Variants in TENM3 observed in about 807,000 individuals in gnomAD.
TENM3 encodes teneurin-3.
TENM3 carries 63 observed loss-of-function variants against 255.1 expected under a neutral mutation model. The ratio of observed to expected loss-of-function variants is 0.25; its 90% CI spans 0.20 to 0.30. The LOEUF is 0.30. Ranked by LOEUF, TENM3 falls within the 10% of genes least tolerant of loss-of-function variation. TENM3 has a pLI of 1.00. For missense variants in TENM3, 2,929 were observed against 3,461.1 expected, an observed-to-expected ratio of 0.85 and a Z score of 3.86; for synonymous variants, 1,306 against 1,322.3, an observed-to-expected ratio of 0.99 and a Z score of 0.27.
chr4:181,528,030 G>A, the TENM3 span, among the ~76,000 whole-genome samples: 2 of 151,772 alleles, frequency 1.3e-5, no homozygotes, highest in African/African-American at 2.4e-5. Context: ...GGTTAAAGGA[G>A]GATAAAATTC....
chr4:182,660,041 C>T (rs1327041219), intron 6 of TENM3, among the ~76,000 whole-genome samples: 2 of 152,080 alleles, frequency 1.3e-5, no homozygotes, highest in Non-Finnish European at 2.9e-5. Flanking sequence ...ATAGAATGGT[C>T]TTTGGTCTTG....
At chr4:181,772,490 G>T in the TENM3 span, among the ~76,000 whole-genome samples, 1 of 152,124 alleles carries the variant, frequency 6.6e-6, no homozygotes, top group Non-Finnish European at 1.5e-5. Context: ...AAATATGCAA[G>T]GATACTGACT....
At chr4:181,448,428 C>T in the TENM3 span, among the ~76,000 whole-genome samples, 1 of 151,930 alleles carries the variant, frequency 6.6e-6, no homozygotes, top group Non-Finnish European at 1.5e-5. Flanking sequence ...GCCTCGGCCT[C>T]CCAAAGTGCT....
intron 1 of TENM3, among the ~76,000 whole-genome samples, chr4:182,263,135 G>A (rs562525842): frequency 1.6e-4 from 25 of 152,200 alleles, no homozygotes; most frequent in African/African-American, 5.3e-4. Context: ...ACCGCGAAGG[G>A]ACTGTAGTGC....
chr4:182,230,302 G>A (rs76072807), intron 1 of TENM3, among the ~76,000 whole-genome samples: 100 of 152,074 alleles, frequency 6.6e-4, no homozygotes, highest in Non-Finnish European at 1.1e-3. Flanking sequence ...GGCTCGCAGA[G>A]CATTCTAGCA....
rs1328086327 is a variant in TENM3, at chr4:182,674,823, A to G, written c.1326+1604A>G. Among the ~76,000 whole-genome samples, 15 of 151,882 alleles carry G rather than the reference A, an allele frequency of 9.9e-5. 1 individual carries two copies. Among genetic ancestry groups the G allele is most frequent in the Admixed American group, 9.8e-4 (15 of 15,254 alleles). On this transcript the variant is annotated intron_variant, in intron 7 of 27. Transcript: ENST00000511685. ...ACTCCTGGGCTCAAGCAATCCGCCC[A>G]CCTTCCCAAAGGACTGGGATTACAG...
chr4:182,490,731 A>G (rs1011076797), intron 3 of TENM3, among the ~76,000 whole-genome samples: 2 of 14,750 alleles, frequency 1.4e-4, no homozygotes, highest in Non-Finnish European at 3.4e-4. Flanking sequence ...TACCTTATGA[A>G]GGGACTTGGC....
At chr4:182,135,098 A>G in the TENM3 span, among the ~76,000 whole-genome samples, 2 of 150,658 alleles carry the variant, frequency 1.3e-5, no homozygotes, top group African/African-American at 4.9e-5. Flanking sequence ...CCCAGCTACT[A>G]GGAAGGCTGA....
chr4:181,707,249 G>A, the TENM3 span, among the ~76,000 whole-genome samples: 1 of 152,146 alleles, frequency 6.6e-6, no homozygotes, highest in Non-Finnish European at 1.5e-5. Context: ...TACACTGTCT[G>A]GAAATGGAAG....
chr4:182,129,278 T>C, the TENM3 span, among the ~76,000 whole-genome samples: 1 of 152,306 alleles, frequency 6.6e-6, no homozygotes, highest in South Asian at 2.1e-4. Flanking sequence ...AGAATATTTA[T>C]AATACATACA....
chr4:182,596,270 T>G (rs919650149), intron 3 of TENM3, among the ~76,000 whole-genome samples: 1 of 152,218 alleles, frequency 6.6e-6, no homozygotes, highest in South Asian at 2.1e-4. Flanking sequence ...ACTCTCTCAT[T>G]GAATTCTTCA....
At chr4:182,664,169 G>C (rs538086501) in intron 6 of TENM3, among the ~76,000 whole-genome samples, 2 of 152,278 alleles carry the variant, frequency 1.3e-5, no homozygotes, top group South Asian at 4.2e-4. Context: ...CCTGCGTCAA[G>C]CAAGTCTATC....
the TENM3 span, among the ~76,000 whole-genome samples, chr4:181,503,734 A>G: frequency 6.6e-6 from 1 of 152,106 alleles, no homozygotes; most frequent in Non-Finnish European, 1.5e-5. Context: ...TTTCCGCCAA[A>G]TTATCTGTCT....
At chr4:182,126,405 A>T in the TENM3 span, among the ~76,000 whole-genome samples, 2 of 152,192 alleles carry the variant, frequency 1.3e-5, no homozygotes, top group South Asian at 4.1e-4. Context: ...TCCACAAAAC[A>T]ATAGTCTCTT....
At chr4:181,536,068 C>T in the TENM3 span, among the ~76,000 whole-genome samples, 3 of 152,146 alleles carry the variant, frequency 2.0e-5, no homozygotes, top group Non-Finnish European at 4.4e-5. Context: ...TTTTATGAAA[C>T]GTAAAAGCCA....
the TENM3 span, among the ~76,000 whole-genome samples, chr4:181,592,125 A>G: frequency 6.6e-6 from 1 of 152,122 alleles, no homozygotes; most frequent in African/African-American, 2.4e-5. Context: ...CAGGTGGTGG[A>G]TATGTTCACT....
upstream of TENM3, among the ~76,000 whole-genome samples, chr4:182,241,518 C>CTTTTTTTTTTTTTTTTTTTTTTTTTT (rs982739950): frequency 2.6e-5 from 3 of 114,280 alleles, no homozygotes; most frequent in African/African-American, 1.2e-4. Context: ...TTTTTTCTTT[C>CTTTTTTTTTTTTTTTTTTTTTTTTTT]TTTTTTTTTT....
At chr4:182,507,568 A>G (rs1371299156) in intron 3 of TENM3, among the ~76,000 whole-genome samples, 1 of 152,180 alleles carries the variant, frequency 6.6e-6, no homozygotes, top group Non-Finnish European at 1.5e-5. Flanking sequence ...TTGTCCAGGA[A>G]GCTGTTAAAG....
At chr4:182,009,844 G>A in the TENM3 span, among the ~76,000 whole-genome samples, 2 of 152,204 alleles carry the variant, frequency 1.3e-5, no homozygotes, top group Non-Finnish European at 2.9e-5. Flanking sequence ...CTGGGTTCGC[G>A]AGTAGGATCT....
Sources: gnomAD v4.1 joint callset for allele counts (sites outside exome capture counted in the v4.1 genomes callset) on GRCh38, gnomAD v4.1.1 for gene constraint, MANE v1.5 for transcripts, NCBI Gene and HGNC (gene_info 2026-07-23, HGNC 2026-07-21) for gene names.